Variants in DYNC2H1 observed in about 807,000 individuals in gnomAD.
DYNC2H1 encodes the protein dynein cytoplasmic 2 heavy chain 1, also known as cytoplasmic dynein 2 heavy chain 1.
A neutral mutation model predicts 570.0 loss-of-function variants in DYNC2H1; 410 were observed. The ratio of observed to expected loss-of-function variants is 0.72; its 90% CI spans 0.66 to 0.78. The LOEUF (loss-of-function observed/expected upper bound fraction) is 0.78. Among genes scored for constraint, DYNC2H1 ranks in the 30% least tolerant of loss-of-function variants. DYNC2H1 has a pLI of 0.00. For missense variants in DYNC2H1, 4,865 were observed against 5,046.4 expected, an observed-to-expected ratio of 0.96 and a Z score of 1.09; for synonymous variants, 1,688 against 1,677.6, an observed-to-expected ratio of 1.01 and a Z score of -0.15.
At chr11:103,260,496 C>T (rs1384220180) in intron 70 of DYNC2H1, among the ~76,000 whole-genome samples, 1 of 151,966 alleles carries the variant, frequency 6.6e-6, no homozygotes, top group East Asian at 1.9e-4. Flanking sequence ...AGTGTTTGAT[C>T]CTGAGTTATG....
Position 103,395,612 on chromosome 11 carries a change from T to C in DYNC2H1, c.12157-4051T>C, listed in dbSNP as rs1278967410. On this transcript the variant is annotated intron_variant, in intron 83 of 88. Coordinates refer to ENST00000375735, the MANE Select transcript of DYNC2H1 (RefSeq NM_001377.3). This position sits in a 1 kb window ranked among gnomAD's most constrained non-coding sequence, Gnocchi z 4.3. ...ATTTATGATCCCTCAGGTTCAAGTC[T>C]AGTAGAAAGAAACAGTTACCTATTT... 6.6e-6 allele frequency among the ~76,000 whole-genome samples: 1 copy of C among 152,156 alleles called. No individual in the cohort carries two copies. The highest frequency in any genetic ancestry group is 1.9e-4 in the East Asian group (1 of 5,204).
At chr11:103,285,667 T>C (rs622982) in intron 73 of DYNC2H1, among the ~76,000 whole-genome samples, 25,180 of 151,688 alleles carry the variant, frequency 0.17, 2,258 homozygotes, top group Admixed American at 0.25. Flanking sequence ...TCAGGTGATC[T>C]GCCCGCCTCA....
chr11:103,344,903 A>C (rs313417), intron 82 of DYNC2H1, among the ~76,000 whole-genome samples: 49,375 of 152,072 alleles, frequency 0.32, 9,620 homozygotes, highest in Non-Finnish European at 0.43. Flanking sequence ...CATAACTTGC[A>C]TCGACTTATG....
rs1339900806 is a variant in DYNC2H1, at chr11:103,129,346, A to C, written c.1953+341A>C. 6.6e-6 allele frequency among the ~76,000 whole-genome samples: 1 copy of C among 151,784 alleles called. No individual in the cohort carries two copies. The highest frequency in any genetic ancestry group is 1.5e-5 in the Non-Finnish European group (1 of 67,834). On this transcript the variant is annotated intron_variant, in intron 13 of 88. Transcript: ENST00000375735. The surrounding 1 kb of genome is among the most constrained non-coding windows in gnomAD (Gnocchi z 4.1). ...CCACCTCCCAATTTTGTAATGTAAT[A>C]TTTTTTTCCTTTTTATTTGTGGTTA...
At chr11:103,455,004 A>ATATT in intron 85 of DYNC2H1, 182 bp from the exon 86 acceptor site, 1 of 513,774 alleles carries the variant, frequency 1.9e-6, no homozygotes, top group South Asian at 3.5e-5. Context: ...AGATGGATGG[A>ATATT]TATTATGCCA....
At position 103,143,398 on chromosome 11, in the gene DYNC2H1, A is replaced by T; in HGVS notation, c.2702+3A>T. 1 of 1,608,416 alleles carries T rather than the reference A, an allele frequency of 6.2e-7. No homozygotes were observed. Among genetic ancestry groups the T allele is most frequent in the Non-Finnish European group, 8.5e-7 (1 of 1,177,826 alleles). On this transcript the variant is annotated splice_donor_region_variant and intron_variant, in intron 18 of 88. Coordinates refer to ENST00000375735, the MANE Select transcript of DYNC2H1 (RefSeq NM_001377.3). ...AAAGAAGTAGAACGACTTCCAAGGT[A>T]TTGGAGGTTAATGTAGTACTTACGT...
Position 103,122,925 on chromosome 11 carries a change from T to C in DYNC2H1, c.1586T>C (p.Leu529Pro), listed in dbSNP as rs1211903365. The change falls in exon 11 of 89, where the codon CTA becomes CCA. Residue 529 changes from leucine to proline, a missense_variant. Physicochemically the swap from Leu to Pro is moderately conservative, Grantham distance 98. Around this residue, in one of 5 missense-constraint regions of DYNC2H1, gnomAD observed 1,936 missense variants for 1,962.1 expected, o/e 0.99. Transcript: ENST00000375735. The stretch of plus-strand genomic sequence containing the variant: ...AAAGATCTCTTAGACCAGCTTAAAC[T>C]ATATGAACAGGAACAATTTGATGAT... ...SAKDLLDQLK[L>P]YEQEQFDDWS... The C allele has an allele frequency of 6.2e-7, 1 of 1,611,638 alleles. No homozygotes were observed. Among genetic ancestry groups the C allele is most frequent in the Non-Finnish European group, 8.5e-7 (1 of 1,178,732 alleles).
chr11:103,381,700 G>T (rs1209172526), intron 83 of DYNC2H1, among the ~76,000 whole-genome samples: 1 of 152,170 alleles, frequency 6.6e-6, no homozygotes, highest in Non-Finnish European at 1.5e-5. Context: ...ACCAGCCTTG[G>T]CCTCCCAAAG....
At chr11:103,427,991 A>AATAT (rs1016422744) in intron 84 of DYNC2H1, among the ~76,000 whole-genome samples, 2 of 151,294 alleles carry the variant, frequency 1.3e-5, no homozygotes, top group African/African-American at 4.8e-5. Context: ...AGCATACGGA[A>AATAT]ATATATATAT....
intron 25 of DYNC2H1, 64 bp from the exon 26 acceptor site, chr11:103,156,324 C>A: frequency 2.2e-6 from 3 of 1,383,596 alleles, no homozygotes; most frequent in Non-Finnish European, 2.9e-6. Flanking sequence ...AAATACTTTT[C>A]TATTAATTAC....
chr11:103,344,336 G>A (rs545610316), intron 82 of DYNC2H1, among the ~76,000 whole-genome samples: 1 of 152,262 alleles, frequency 6.6e-6, no homozygotes, highest in Admixed American at 6.5e-5. Flanking sequence ...AGAAATAGTC[G>A]TTTTTCCTCC....
Position 103,399,720 on chromosome 11 carries a change from A to C in DYNC2H1, c.12214A>C (p.Ile4072Leu), listed in dbSNP as rs757485579. The change falls in exon 84 of 89, where the codon ATA becomes CTA. Residue 4072 changes from isoleucine to leucine, a missense_variant. Transcript: ENST00000375735. ...TCCTAACGATCGACAAGGATCTCCA[A>C]TACTGTCATTCATCATTCTTGAACA... ...PPPNDRQGSP[I>L]LSFIILEQFN... The C allele has an allele frequency of 1.2e-6, 2 of 1,613,768 alleles. No individual in the cohort carries two copies. Among genetic ancestry groups the C allele is most frequent in the South Asian group, 2.2e-5 (2 of 91,084 alleles).
intron 77 of DYNC2H1, among the ~76,000 whole-genome samples, chr11:103,307,285 C>T (rs887261387): frequency 6.6e-6 from 1 of 152,056 alleles, no homozygotes; most frequent in Non-Finnish European, 1.5e-5. Context: ...TCTGTAGAAG[C>T]ATGAATTAAA....
At chr11:103,475,248 G>A (rs575786235) in intron 88 of DYNC2H1, among the ~76,000 whole-genome samples, 2 of 152,168 alleles carry the variant, frequency 1.3e-5, no homozygotes, top group East Asian at 1.9e-4. Context: ...ACAAAACTTT[G>A]GAGGAAATAT....
intron 84 of DYNC2H1, chr11:103,404,608 T>G (rs1175600788): frequency 1.3e-5 from 2 of 149,070 alleles, no homozygotes; most frequent in Non-Finnish European, 3.0e-5. Flanking sequence ...AATATAATGG[T>G]GAAGTGGATT....
Position 103,170,815 on chromosome 11 carries a change from A to C in DYNC2H1, c.5152-71A>C. 2 of 1,274,494 alleles carry C rather than the reference A, an allele frequency of 1.6e-6. No homozygotes were observed. The highest frequency in any genetic ancestry group is 2.1e-6 in the Non-Finnish European group (2 of 974,992). 78.9% of individuals were successfully genotyped at this position (1,274,494 alleles called of 1,614,324 possible). A position where few individuals can be genotyped will look rare whatever the true frequency, so the allele number is the denominator to read the frequency against. On this transcript the variant is annotated intron_variant, in intron 33 of 88. Coordinates refer to ENST00000375735, the MANE Select transcript of DYNC2H1 (RefSeq NM_001377.3). This position sits in a 1 kb window ranked among gnomAD's most constrained non-coding sequence, Gnocchi z 4.8. Reference sequence around the variant, plus strand: ...AATTATCACCTTATCAATAAGTAACATTAAATATTAAGTAGTTATGGAGAT... The same window carrying C: ...AATTATCACCTTATCAATAAGTAACCTTAAATATTAAGTAGTTATGGAGAT...
Position 103,176,357 on chromosome 11 carries a change from G to T in DYNC2H1, c.5797G>T (p.Glu1933Ter). The change falls in exon 37 of 89, where the codon GAA (glutamate) becomes TAA (stop). Residue 1933 changes from glutamate to a stop codon, truncating the protein, a stop_gained. Coordinates refer to ENST00000375735, the MANE Select transcript of DYNC2H1 (RefSeq NM_001377.3). LOFTEE classifies it high-confidence loss of function. ...KDVFPGIELK[E>*]VEYDELSAAL... ...TGTCTTTCCGGGAATTGAATTGAAA[G>T]AAGTGGAATATGATGAACTAAGTGC... The T allele has an allele frequency of 6.3e-7, 1 of 1,592,936 alleles. No individual in the cohort carries two copies. Among genetic ancestry groups the T allele is most frequent in the African/African-American group, 1.3e-5 (1 of 74,434 alleles).
chr11:103,289,304 C>T lies in DYNC2H1; in HGVS notation c.11095+1699C>T, dbSNP rs1866493911. Among the ~76,000 whole-genome samples the T allele has an allele frequency of 6.6e-6, 1 of 152,038 alleles. No homozygotes were observed. Among genetic ancestry groups the T allele is most frequent in the South Asian group, 2.1e-4 (1 of 4,828 alleles). Reference sequence around the variant, plus strand: ...CTCTGTCTTGGTAAATCAACTCTGTCTAGGCAATGGGCAAGGTGAACCCAT... The same window carrying T: ...CTCTGTCTTGGTAAATCAACTCTGTTTAGGCAATGGGCAAGGTGAACCCAT... On this transcript the variant is annotated intron_variant, in intron 75 of 88. Transcript: ENST00000375735. This position sits in a 1 kb window ranked among gnomAD's most constrained non-coding sequence, Gnocchi z 4.2.
chr11:103,475,860 A>T (rs1349308050), intron 88 of DYNC2H1, among the ~76,000 whole-genome samples: 1 of 152,144 alleles, frequency 6.6e-6, no homozygotes, highest in African/African-American at 2.4e-5. Context: ...ACATCGATAT[A>T]GAGAAAATCT....
Sources: gnomAD v4.1 joint callset for allele counts (sites outside exome capture counted in the v4.1 genomes callset) on GRCh38, gnomAD v4.1.1 for gene constraint, gnomAD v4.1.1 regional missense constraint, Gnocchi (gnomAD v3.1) non-coding constraint, MANE v1.5 for transcripts, NCBI Gene and HGNC (gene_info 2026-07-23, HGNC 2026-07-21) for gene names.